The following SNX29 variants were observed in gnomAD, a reference collection of about 807,000 sequenced individuals.
SNX29 encodes the protein sorting nexin-29.
In SNX29, 78 loss-of-function variants were observed where a neutral mutation model predicts 102.1. That is an observed-to-expected ratio of 0.76 (90% CI 0.64 to 0.92). SNX29 has a LOEUF of 0.92. SNX29 is among the 40% of genes least tolerant of loss of function. The pLI, the probability that SNX29 is intolerant of heterozygous loss-of-function variation, is 0.00. For missense variants in SNX29, 1,280 were observed against 1,061.7 expected, an observed-to-expected ratio of 1.21 and a Z score of -2.86; for synonymous variants, 580 against 414.5, an observed-to-expected ratio of 1.40 and a Z score of -4.85.
chr16:12,085,476 G>A (rs350264), intron 11 of SNX29, among the ~76,000 whole-genome samples: 43,020 of 151,806 alleles, frequency 0.28, 6,233 homozygotes, highest in South Asian at 0.39. Flanking sequence ...AAAGGCACGC[G>A]CCACCACACC....
chr16:12,414,273 C>T (rs1354718699), intron 18 of SNX29, among the ~76,000 whole-genome samples: 1 of 152,158 alleles, frequency 6.6e-6, no homozygotes, highest in Non-Finnish European at 1.5e-5. Flanking sequence ...ACTCAGCAGA[C>T]TGAGGTAAGA....
At chr16:12,520,832 T>C (rs1316237325) in intron 19 of SNX29, among the ~76,000 whole-genome samples, 4 of 152,056 alleles carry the variant, frequency 2.6e-5, no homozygotes, top group Admixed American at 2.6e-4. Flanking sequence ...GAGGGATAAA[T>C]GACCGCATAT....
intron 1 of SNX29, among the ~76,000 whole-genome samples, chr16:11,995,274 C>T (rs2056021552): frequency 2.6e-5 from 4 of 152,106 alleles, no homozygotes; most frequent in Admixed American, 2.0e-4. Flanking sequence ...CCATGTTGGC[C>T]AGGCTGGTCT....
intron 19 of SNX29, among the ~76,000 whole-genome samples, chr16:12,479,914 T>C (rs934649480): frequency 6.6e-6 from 1 of 152,200 alleles, no homozygotes; most frequent in South Asian, 2.1e-4. Flanking sequence ...TGGCTTAACA[T>C]TGTCCTGACT....
At position 12,270,912 on chromosome 16, in the gene SNX29, G is replaced by A. The variant is rs150357703; in HGVS notation, c.1679-7021G>A. On this transcript the variant is annotated intron_variant, in intron 14 of 20. Coordinates refer to ENST00000566228, the MANE Select transcript of SNX29 (RefSeq NM_032167.5). ...CAAAAAATTAGCTGGGCGTGGTGGT[G>A]TGTGCCTGTAATCCCAGCTACTCAA... 1.6e-3 allele frequency among the ~76,000 whole-genome samples: 243 copies of A among 152,232 alleles called. 1 individual carries two copies. The highest frequency in any genetic ancestry group is 3.2e-3 in the Admixed American group (49 of 15,290).
intron 19 of SNX29, among the ~76,000 whole-genome samples, chr16:12,482,660 TCA>T (rs1315062046): frequency 6.6e-6 from 1 of 152,196 alleles, no homozygotes; most frequent in African/African-American, 2.4e-5. Context: ...ATTAAATGAC[TCA>T]CTGCAGAATC....
At chr16:12,418,091 G>A (rs1165563043) in intron 18 of SNX29, among the ~76,000 whole-genome samples, 1 of 152,160 alleles carries the variant, frequency 6.6e-6, no homozygotes, top group African/African-American at 2.4e-5. Context: ...TGTCGGGAAA[G>A]TGCTTCCCTG....
At chr16:12,305,090 C>G (rs913356667) in intron 15 of SNX29, among the ~76,000 whole-genome samples, 4 of 152,224 alleles carry the variant, frequency 2.6e-5, no homozygotes, top group South Asian at 2.1e-4. Context: ...TAGTGTGACA[C>G]TATAAAAATC....
chr16:12,555,127 C>G (rs961358877), intron 20 of SNX29, among the ~76,000 whole-genome samples: 9 of 61,898 alleles, frequency 1.5e-4, no homozygotes, highest in Non-Finnish European at 6.8e-4. Flanking sequence ...TATCAAAAGG[C>G]TTATTCTCAG....
intron 11 of SNX29, among the ~76,000 whole-genome samples, chr16:12,104,437 T>G (rs1213173134): frequency 6.6e-6 from 1 of 152,104 alleles, no homozygotes; most frequent in African/African-American, 2.4e-5. Flanking sequence ...ATGCCTGTAA[T>G]CCCAGCTATA....
chr16:12,297,624 G>C (rs1326312347), intron 15 of SNX29, among the ~76,000 whole-genome samples: 2 of 152,088 alleles, frequency 1.3e-5, no homozygotes, highest in African/African-American at 2.4e-5. Flanking sequence ...ACCGTGGGTG[G>C]TGATGGATGT....
At chr16:12,565,427 C>T (rs1320259638) in intron 20 of SNX29, among the ~76,000 whole-genome samples, 3 of 139,366 alleles carry the variant, frequency 2.2e-5, no homozygotes, top group South Asian at 2.2e-4. Context: ...AGCCCATCCT[C>T]CCGTGGCCTC....
intron 18 of SNX29, among the ~76,000 whole-genome samples, chr16:12,467,950 A>G (rs774740852): frequency 6.6e-6 from 1 of 152,130 alleles, no homozygotes; most frequent in Non-Finnish European, 1.5e-5. Context: ...CCACAGCTCC[A>G]GCTCCGGCTC....
chr16:12,532,905 C>T (rs138578891), intron 20 of SNX29, among the ~76,000 whole-genome samples: 88 of 152,334 alleles, frequency 5.8e-4, no homozygotes, highest in African/African-American at 2.0e-3. Flanking sequence ...AGCCCCAGAG[C>T]GTTAAGAACA....
intron 15 of SNX29, among the ~76,000 whole-genome samples, chr16:12,314,418 A>T (rs1044804616): frequency 1.3e-5 from 2 of 152,250 alleles, no homozygotes; most frequent in African/African-American, 4.8e-5. Context: ...GGAGCCAGAC[A>T]GCTCAGGCTG....
chr16:11,999,261 G>A (rs749931081), intron 1 of SNX29, 36 bp from the exon 2 acceptor site: 118 of 1,609,104 alleles, frequency 7.3e-5, no homozygotes, highest in Middle Eastern at 1.6e-4. Context: ...GTGTCCGAGC[G>A]TCAGAGAGAA....
In SNX29 at chr16:12,043,656, G is replaced by C. The variant is rs148329193; in HGVS notation, c.428+579G>C. ...ACAGGTATGAGCTACCATGCCAGGT[G>C]CAGAATTTTAATTTGGGATTCTTGA... On this transcript the variant is annotated intron_variant, in intron 5 of 20. Transcript: ENST00000566228. 7.2e-5 allele frequency among the ~76,000 whole-genome samples: 11 copies of C among 152,066 alleles called. No homozygotes were observed. The East Asian group carries it at 2.1e-3, about 29-fold the overall frequency.
chr16:12,174,000 G>A (rs547235214), intron 13 of SNX29, among the ~76,000 whole-genome samples: 5 of 152,290 alleles, frequency 3.3e-5, no homozygotes, highest in South Asian at 2.1e-4. Flanking sequence ...GGCTGGTTTC[G>A]AAATCTTGAC....
chr16:12,555,706 TC>T, intron 20 of SNX29, among the ~76,000 whole-genome samples: 1 of 152,186 alleles, frequency 6.6e-6, no homozygotes, highest in South Asian at 2.1e-4. Context: ...TCTACGAGAT[TC>T]TCCCTGATTG....
Sources: gnomAD v4.1 joint callset for allele counts (sites outside exome capture counted in the v4.1 genomes callset) on GRCh38, gnomAD v4.1.1 for gene constraint, MANE v1.5 for transcripts, NCBI Gene and HGNC (gene_info 2026-07-23, HGNC 2026-07-21) for gene names.